PITPNM3: variants seen among roughly 807,000 people sequenced by gnomAD.
The protein encoded by PITPNM3 is membrane-associated phosphatidylinositol transfer protein 3.
In PITPNM3, 26 loss-of-function variants were observed where a neutral mutation model predicts 102.0. The observed-to-expected ratio is 0.25, with a 90% CI of 0.19 to 0.35. PITPNM3 has a LOEUF of 0.35. Among genes scored for constraint, PITPNM3 ranks in the 10% least tolerant of loss-of-function variants. The pLI is 1.00. For missense variants in PITPNM3, 1,083 were observed against 1,346.1 expected, an observed-to-expected ratio of 0.80 and a Z score of 3.06; for synonymous variants, 578 against 558.6, an observed-to-expected ratio of 1.03 and a Z score of -0.49.
intron 4 of PITPNM3, among the ~76,000 whole-genome samples, chr17:6,494,795 C>T (rs1189413659): frequency 2.0e-5 from 3 of 152,234 alleles, no homozygotes; most frequent in African/African-American, 7.2e-5. Context: ...CAATTCCAAG[C>T]CCATGTGCAA....
chr17:6,547,744 T>C (rs544465938), intron 1 of PITPNM3, among the ~76,000 whole-genome samples: 4 of 125,036 alleles, frequency 3.2e-5, no homozygotes, highest in African/African-American at 8.4e-5. Context: ...TTTTCTTTTC[T>C]TTTTTTTTTT....
intron 6 of PITPNM3, chr17:6,481,943 C>T (rs1284134045): frequency 5.9e-5 from 7 of 118,120 alleles, no homozygotes; most frequent in African/African-American, 1.9e-4. Context: ...CTCCCATAGC[C>T]GTTGTTATAA....
intron 5 of PITPNM3, 139 bp downstream of exon 5, chr17:6,484,074 GAGA>G (rs1334364063): frequency 2.1e-6 from 2 of 942,462 alleles, no homozygotes; most frequent in African/African-American, 3.2e-5. Flanking sequence ...CCAAAGCCCA[GAGA>G]AGGACACAGA....
intron 15 of PITPNM3, 112 bp from the exon 16 acceptor site, chr17:6,464,430 C>T: frequency 2.4e-6 from 3 of 1,243,066 alleles, no homozygotes; most frequent in South Asian, 1.2e-5. Context: ...CATTCCCTGG[C>T]TCCTGCCAGC....
intron 3 of PITPNM3, among the ~76,000 whole-genome samples, chr17:6,508,333 A>T (rs1481180094): frequency 6.6e-6 from 1 of 152,246 alleles, no homozygotes; most frequent in Non-Finnish European, 1.5e-5. Flanking sequence ...TTTCCCGCAC[A>T]TGAAATCGTT....
intron 17 of PITPNM3, among the ~76,000 whole-genome samples, chr17:6,462,382 T>A (rs1267362974): frequency 6.6e-6 from 1 of 152,144 alleles, no homozygotes; most frequent in East Asian, 1.9e-4. Flanking sequence ...TGCTCTGCCT[T>A]TGCATATGGG....
intron 2 of PITPNM3, among the ~76,000 whole-genome samples, chr17:6,531,074 T>C (rs910152884): frequency 3.9e-5 from 6 of 152,240 alleles, no homozygotes; most frequent in African/African-American, 1.4e-4. Flanking sequence ...GTTAATTTCA[T>C]GAAACCACCT....
chr17:6,457,650 C>G lies in PITPNM3; in HGVS notation c.2563G>C (p.Ala855Pro). 1 of 1,611,756 alleles carries G rather than the reference C, an allele frequency of 6.2e-7. No homozygotes were observed. Among genetic ancestry groups the G allele is most frequent in the Non-Finnish European group, 8.5e-7 (1 of 1,179,266 alleles). The change falls in exon 19 of 20, where the codon GCC (alanine) becomes CCC (proline). Residue 855 changes from alanine (A) to proline (P), a missense_variant. Ala to Pro is a conservative substitution (Grantham distance 27). Around this residue, in one of 5 missense-constraint regions of PITPNM3, gnomAD observed 208 missense variants for 178.2 expected, o/e 1.17. Transcript: ENST00000262483. The surrounding 1 kb of genome is among the most constrained non-coding windows in gnomAD (Gnocchi z 4.7). Reference protein sequence around the residue: ...ISVYSVLGLPASQIFIVGRPT... With the variant: ...ISVYSVLGLPPSQIFIVGRPT... Reference sequence around the variant, plus strand: ...CGGCCCACAATGAAGATCTGGGAGGCAGGCAGGCCCAGCACGCTGTAGACA... The same window carrying G: ...CGGCCCACAATGAAGATCTGGGAGGGAGGCAGGCCCAGCACGCTGTAGACA...
chr17:6,467,203 A>G (rs1324302725), intron 14 of PITPNM3, among the ~76,000 whole-genome samples: 7 of 152,192 alleles, frequency 4.6e-5, no homozygotes, highest in African/African-American at 1.7e-4. Flanking sequence ...TTTCTGACAC[A>G]GCGACCAGTT....
intron 2 of PITPNM3, among the ~76,000 whole-genome samples, chr17:6,534,488 G>A (rs953121400): frequency 3.9e-5 from 6 of 152,222 alleles, no homozygotes; most frequent in Non-Finnish European, 8.8e-5. Flanking sequence ...GGGGCTGATG[G>A]CTGCAAGGGA....
In PITPNM3 at chr17:6,520,172, G is replaced by A. The variant is rs899047069; in HGVS notation, c.226+5184C>T. ...GCAAAACAAGAAAACGTTTTTACCC[G>A]ACCATTACATAAAATGTTGAAGTTT... On this transcript the variant is annotated intron_variant, in intron 3 of 19. Transcript: ENST00000262483. 2.6e-5 allele frequency among the ~76,000 whole-genome samples: 4 copies of A among 152,146 alleles called. No homozygotes were observed. The East Asian group carries it at 7.7e-4, about 29-fold the overall frequency.
chr17:6,505,295 T>C (rs1415366166), intron 3 of PITPNM3, among the ~76,000 whole-genome samples: 1 of 151,850 alleles, frequency 6.6e-6, no homozygotes, highest in East Asian at 1.9e-4. Flanking sequence ...TTTATTTACT[T>C]GTTTACTTCT....
intron 10 of PITPNM3, chr17:6,473,081 C>T (rs116994123): frequency 0.014 from 7,662 of 551,938 alleles, 68 homozygotes; most frequent in Non-Finnish European, 0.019. Flanking sequence ...TTTCCTTTCT[C>T]TGAGCCTTTG....
Position 6,484,222 on chromosome 17 carries a change from G to A in PITPNM3, c.345C>T (p.Asp115=). 1.9e-6 allele frequency: 3 copies of A among 1,608,774 alleles called. No individual in the cohort carries two copies. Among genetic ancestry groups the A allele is most frequent in the Non-Finnish European group, 2.6e-6 (3 of 1,175,216 alleles). ...CCTCCGAAGCCCAGCCTACCTCGCT[G>A]TCTTCGTGGATCTCGATGCTTCCCT... The part of the protein sequence containing the change: ...PAQGSIEIHE[D]SEEGCPQRSC... Residue 115 remains aspartate, a synonymous_variant, in exon 5 of 20, where the codon GAC becomes GAT. Coordinates refer to ENST00000262483, the MANE Select transcript of PITPNM3 (RefSeq NM_031220.4).
chr17:6,524,033 T>C (rs977161475), intron 3 of PITPNM3, among the ~76,000 whole-genome samples: 1 of 152,178 alleles, frequency 6.6e-6, no homozygotes, highest in Non-Finnish European at 1.5e-5. Flanking sequence ...GGTTCTTTGT[T>C]GGTTAGATGG....
intron 6 of PITPNM3, among the ~76,000 whole-genome samples, chr17:6,482,028 CTCTCTCTG>C (rs1567670268): frequency 0.012 from 1,112 of 95,596 alleles, 12 homozygotes; most frequent in Non-Finnish European, 0.017. Flanking sequence ...CTCTCTCTCT[CTCTCTCTG>C]TCTGTCTCTC....
chr17:6,476,959 C>G, intron 9 of PITPNM3, 70 bp downstream of exon 9: 1 of 1,561,980 alleles, frequency 6.4e-7, no homozygotes, highest in African/African-American at 1.4e-5. Context: ...CCTGGGACAT[C>G]TGACTGGTCA....
intron 4 of PITPNM3, among the ~76,000 whole-genome samples, chr17:6,500,116 C>G (rs147061749): frequency 7.9e-5 from 12 of 152,162 alleles, no homozygotes; most frequent in South Asian, 2.1e-4. Context: ...AGCTACTAGA[C>G]GAGAGAAGCT....
intron 6 of PITPNM3, chr17:6,481,515 G>A (rs1905669960): frequency 6.6e-6 from 1 of 152,156 alleles, no homozygotes; most frequent in Admixed American, 6.6e-5. Context: ...TACAGATTAG[G>A]AAATTGAGAC....
Sources: gnomAD v4.1 joint callset for allele counts (sites outside exome capture counted in the v4.1 genomes callset) on GRCh38, gnomAD v4.1.1 for gene constraint, gnomAD v4.1.1 regional missense constraint, Gnocchi (gnomAD v3.1) non-coding constraint, MANE v1.5 for transcripts, NCBI Gene and HGNC (gene_info 2026-07-23, HGNC 2026-07-21) for gene names.